The following CNTNAP2 variants were observed in gnomAD, a reference collection of about 807,000 sequenced individuals.
CNTNAP2 encodes the protein contactin-associated protein-like 2.
In CNTNAP2, 98 loss-of-function variants were observed where a neutral mutation model predicts 155.2. That is an observed-to-expected ratio of 0.63 (90% confidence interval 0.54 to 0.75). The LOEUF is 0.75. CNTNAP2 is among the 30% of genes least tolerant of loss of function. CNTNAP2 has a pLI of 0.00. For missense variants in CNTNAP2, 1,727 were observed against 1,688.1 expected (o/e 1.02, Z -0.40); for synonymous variants, 651 against 631.2 (o/e 1.03, Z -0.47).
intron 15 of CNTNAP2, among the ~76,000 whole-genome samples, chr7:147,980,927 T>A (rs1459775615): frequency 1.5e-4 from 11 of 73,042 alleles, no homozygotes; most frequent in African/African-American, 5.2e-4. Flanking sequence ...CAAGACTCCA[T>A]CTTAACAAAA....
intron 1 of CNTNAP2, among the ~76,000 whole-genome samples, chr7:146,519,005 T>C (rs1028263392): frequency 5.3e-5 from 8 of 151,952 alleles, no homozygotes; most frequent in Non-Finnish European, 1.0e-4. Flanking sequence ...CTGTGAAGGT[T>C]TTCTTTCTAC....
chr7:146,754,151 G>A (rs1197069985), intron 1 of CNTNAP2, among the ~76,000 whole-genome samples: 1 of 151,760 alleles, frequency 6.6e-6, no homozygotes, highest in Non-Finnish European at 1.5e-5. Flanking sequence ...TTCCCTTAAG[G>A]CAACCACCCA....
intron 10 of CNTNAP2, among the ~76,000 whole-genome samples, chr7:147,460,166 G>C (rs576422202): frequency 6.6e-6 from 1 of 152,012 alleles, no homozygotes; most frequent in African/African-American, 2.4e-5. Flanking sequence ...ATAGGTCTGC[G>C]GTGCTGCTCC....
At chr7:147,362,842 C>T (rs1387598464) in intron 9 of CNTNAP2, among the ~76,000 whole-genome samples, 1 of 151,972 alleles carries the variant, frequency 6.6e-6, no homozygotes, top group African/African-American at 2.4e-5. Flanking sequence ...TTGTATATTT[C>T]CCTAAGGCCC....
chr7:147,708,395 T>A (rs1796350476), intron 13 of CNTNAP2, among the ~76,000 whole-genome samples: 1 of 152,072 alleles, frequency 6.6e-6, no homozygotes, highest in African/African-American at 2.4e-5. Flanking sequence ...GTGAGGAATG[T>A]CAATAGGACA....
chr7:148,229,395 G>A (rs879333271), intron 19 of CNTNAP2, among the ~76,000 whole-genome samples: 1 of 152,100 alleles, frequency 6.6e-6, no homozygotes, highest in Admixed American at 6.5e-5. Context: ...CGTGGTGGCA[G>A]GTGCCTGTAA....
At chr7:147,251,306 C>A (rs570639912) in intron 8 of CNTNAP2, among the ~76,000 whole-genome samples, 60 of 152,306 alleles carry the variant, frequency 3.9e-4, no homozygotes, top group Middle Eastern at 6.8e-3. Context: ...TGATGGACCA[C>A]CTGGATCAGG....
rs12670302 is a variant in CNTNAP2 at position 148,230,722 on chromosome 7, C to T, written c.3381+943C>T. Among the ~76,000 whole-genome samples the T allele has an allele frequency of 4.5e-3, 692 of 152,220 alleles. 26 individuals carry two copies. The East Asian group carries it at 0.088, about 19-fold the overall frequency. ...TGCGCGTGGCCTTTAGCAGTAAATGCTAGAGGGCATTTTAAGGAGAGGCCT... is the reference window on the plus strand; with the variant it reads ...TGCGCGTGGCCTTTAGCAGTAAATGTTAGAGGGCATTTTAAGGAGAGGCCT... On this transcript the variant is annotated intron_variant, in intron 20 of 23. Transcript: ENST00000361727.
At chr7:147,574,864 C>T (rs1217045694) in intron 12 of CNTNAP2, among the ~76,000 whole-genome samples, 1 of 152,186 alleles carries the variant, frequency 6.6e-6, no homozygotes, top group Non-Finnish European at 1.5e-5. Context: ...CAATCAGCCA[C>T]AAGGCTTAGG....
intron 18 of CNTNAP2, among the ~76,000 whole-genome samples, chr7:148,192,852 T>C (rs904217847): frequency 6.6e-6 from 1 of 152,224 alleles, no homozygotes; most frequent in African/African-American, 2.4e-5. Flanking sequence ...TTTATTTTTT[T>C]CCTATAAAAG....
chr7:147,659,904 G>C (rs1795585780), intron 13 of CNTNAP2, among the ~76,000 whole-genome samples: 1 of 152,034 alleles, frequency 6.6e-6, no homozygotes, highest in African/African-American at 2.4e-5. Flanking sequence ...AAATAACAAA[G>C]CATAAATATT....
rs1441502369 is a variant in CNTNAP2, at chr7:146,247,189, T to C, written c.97+130216T>C. Among the ~76,000 whole-genome samples, 4 of 152,292 alleles carry C rather than the reference T, an allele frequency of 2.6e-5. No homozygotes were observed. In the East Asian group the frequency reaches 7.7e-4, roughly 29 times the overall value. On this transcript the variant is annotated intron_variant, in intron 1 of 23. Coordinates refer to ENST00000361727, the MANE Select transcript of CNTNAP2 (RefSeq NM_014141.6). ...GCCATGAACTGGGCTGGATTTTTCATATTTGATGAAAGAGCCTAAACGCAC... is the reference window on the plus strand; with the variant it reads ...GCCATGAACTGGGCTGGATTTTTCACATTTGATGAAAGAGCCTAAACGCAC...
At chr7:146,261,627 G>A (rs998245115) in intron 1 of CNTNAP2, among the ~76,000 whole-genome samples, 1 of 151,756 alleles carries the variant, frequency 6.6e-6, no homozygotes, top group Non-Finnish European at 1.5e-5. Context: ...AAAATTTCTA[G>A]GGTATCGGTT....
At chr7:147,981,210 T>C (rs545235065) in intron 15 of CNTNAP2, among the ~76,000 whole-genome samples, 9 of 152,356 alleles carry the variant, frequency 5.9e-5, no homozygotes, top group African/African-American at 1.7e-4. Flanking sequence ...GAAATAGCTG[T>C]GTCTGTACAA....
chr7:146,629,405 C>T (rs1799473599), intron 1 of CNTNAP2, among the ~76,000 whole-genome samples: 1 of 152,036 alleles, frequency 6.6e-6, no homozygotes, highest in South Asian at 2.1e-4. Flanking sequence ...TATTAAAATC[C>T]ATTAAAAATG....
chr7:147,470,050 G>T (rs1798189098), intron 10 of CNTNAP2, among the ~76,000 whole-genome samples: 1 of 152,180 alleles, frequency 6.6e-6, no homozygotes, highest in Non-Finnish European at 1.5e-5. Flanking sequence ...ATTGAATGAG[G>T]TGGGGTGGAG....
chr7:148,176,421 G>C (rs1794938318), intron 18 of CNTNAP2, among the ~76,000 whole-genome samples: 1 of 151,758 alleles, frequency 6.6e-6, no homozygotes, highest in Admixed American at 6.6e-5. Context: ...GTTTCAACAT[G>C]TTGGCCAGGC....
At chr7:147,094,892 A>G (rs1800494060) in intron 4 of CNTNAP2, among the ~76,000 whole-genome samples, 1 of 152,142 alleles carries the variant, frequency 6.6e-6, no homozygotes, top group South Asian at 2.1e-4. Flanking sequence ...GCAAGTTCTA[A>G]TGTCTGAGAA....
chr7:147,046,369 G>C (rs918036509), intron 4 of CNTNAP2, among the ~76,000 whole-genome samples: 1 of 152,234 alleles, frequency 6.6e-6, no homozygotes, highest in Admixed American at 6.5e-5. Flanking sequence ...AGTCATAAAA[G>C]ATGCATTATT....
Sources: allele counts gnomAD v4.1 joint callset (sites outside exome capture counted in the v4.1 genomes callset), GRCh38; gene constraint gnomAD v4.1.1; transcripts MANE v1.5; gene names NCBI Gene and HGNC (gene_info 2026-07-23, HGNC 2026-07-21).